The following FDFT1 variants were observed in gnomAD, a reference collection of about 807,000 sequenced individuals.
FDFT1 encodes farnesyl-diphosphate farnesyltransferase 1, also known as squalene synthase.
Under a neutral mutation model 46.8 loss-of-function variants are expected in FDFT1, and 68 were observed. That is an observed-to-expected ratio of 1.45 (90% CI 1.19 to 1.78). FDFT1 has a LOEUF of 1.78. FDFT1 is among the 40% of genes most tolerant of loss of function. The pLI is 0.00. For synonymous variants in FDFT1, 351 were observed against 185.1 expected (o/e 1.90, Z -7.28); for missense variants, 928 against 524.4 (o/e 1.77, Z -7.52).
rs1807389071 is a variant in FDFT1, at chr8:11,809,412, A to G, written c.198-255A>G. The G allele has an allele frequency of 9.0e-6, 11 of 1,221,994 alleles. No individual in the cohort carries two copies. In the South Asian group the frequency reaches 2.9e-4, roughly 32 times the overall value. The allele number at this position is 1,221,994 out of a possible 1,614,324, so 75.7% of individuals were successfully genotyped here. ...GTCTCCATAGTTCTACATTGGTTAA[A>G]TGCAACTCACTTCTGGGAGTAGTGG... On this transcript the variant is annotated intron_variant, in intron 2 of 7. Transcript: ENST00000220584.
At chr8:11,803,714 C>G (rs550948918) in intron 1 of FDFT1, 1 of 239,286 alleles carries the variant, frequency 4.2e-6, no homozygotes, top group South Asian at 4.6e-5. Context: ...GCCAACAGGA[C>G]AGTAGCAAAT....
rs761055565 is a variant in FDFT1 at position 11,826,137 on chromosome 8, C to G, written c.624C>G (p.Gly208=). 1 of 1,608,726 alleles carries G rather than the reference C, an allele frequency of 6.2e-7. No homozygotes were observed. Among genetic ancestry groups the G allele is most frequent in the Admixed American group, 1.7e-5 (1 of 59,938 alleles). The change falls in exon 5 of 8, where the codon GGC becomes GGG. Residue 208 remains glycine (G), a synonymous_variant. Transcript: ENST00000220584. ...GEDTERANSM[G]LFLQKTNIIR... Reference sequence around the variant, plus strand: ...ATACAGAACGTGCCAACTCTATGGGCCTGTTTTTGCAGAAAACAAACATCA... The same window carrying G: ...ATACAGAACGTGCCAACTCTATGGGGCTGTTTTTGCAGAAAACAAACATCA...
At chr8:11,832,980 A>T (rs1428380733) in intron 7 of FDFT1, among the ~76,000 whole-genome samples, 1 of 152,066 alleles carries the variant, frequency 6.6e-6, no homozygotes, top group African/African-American at 2.4e-5. Context: ...CAAAATAGCG[A>T]TTTCTGATTT....
intron 2 of FDFT1, 69 bp from the exon 3 acceptor site, chr8:11,809,598 A>C (rs936633917): frequency 6.8e-7 from 1 of 1,466,482 alleles, no homozygotes; most frequent in African/African-American, 1.4e-5. Context: ...GGCCAGGCAC[A>C]AGTTATTTTA....
At chr8:11,835,092 C>G (rs746971691) in intron 7 of FDFT1, among the ~76,000 whole-genome samples, 3 of 152,164 alleles carry the variant, frequency 2.0e-5, no homozygotes, top group Non-Finnish European at 4.4e-5. Flanking sequence ...CCACTGCACT[C>G]CAGCCTGGGC....
chr8:11,827,002 G>A (rs1810085248), intron 5 of FDFT1, among the ~76,000 whole-genome samples: 1 of 152,202 alleles, frequency 6.6e-6, no homozygotes, highest in African/African-American at 2.4e-5. Flanking sequence ...CCAGGTGTCT[G>A]TAATAAGGGA....
upstream of FDFT1, among the ~76,000 whole-genome samples, chr8:11,801,330 T>G (rs992044111): frequency 3.9e-5 from 6 of 152,306 alleles, no homozygotes; most frequent in African/African-American, 1.4e-4. Context: ...GTTTCCTGTT[T>G]GTTTTTGAGA....
intron 4 of FDFT1, among the ~76,000 whole-genome samples, chr8:11,823,338 T>C (rs1809519358): frequency 6.6e-6 from 1 of 152,212 alleles, no homozygotes; most frequent in Admixed American, 6.5e-5. Flanking sequence ...AAAAGAACTA[T>C]TATCTTCAAA....
chr8:11,820,687 A>AG (rs1296149746), intron 3 of FDFT1, among the ~76,000 whole-genome samples: 1 of 152,140 alleles, frequency 6.6e-6, no homozygotes, highest in East Asian at 1.9e-4. Flanking sequence ...CAGGCACTGG[A>AG]GGCAATCACC....
chr8:11,823,353 T>G (rs1454659035), intron 4 of FDFT1, among the ~76,000 whole-genome samples: 1 of 152,208 alleles, frequency 6.6e-6, no homozygotes, highest in Non-Finnish European at 1.5e-5. Context: ...TTCAAATATA[T>G]TTTTGGATAG....
At chr8:11,837,668 C>T (rs182879949) in intron 7 of FDFT1, among the ~76,000 whole-genome samples, 1 of 152,060 alleles carries the variant, frequency 6.6e-6, no homozygotes. Context: ...GGTGAGAGGG[C>T]TGGTGCCACT....
chr8:11,812,878 A>G (rs1274708025), intron 3 of FDFT1, among the ~76,000 whole-genome samples: 1 of 152,254 alleles, frequency 6.6e-6, no homozygotes, highest in African/African-American at 2.4e-5. Flanking sequence ...GGGTTCGATT[A>G]GAGTACAGTC....
intron 4 of FDFT1, among the ~76,000 whole-genome samples, chr8:11,823,374 A>T (rs1262820682): frequency 6.6e-6 from 1 of 152,334 alleles, no homozygotes; most frequent in East Asian, 1.9e-4. Flanking sequence ...TACTATAGAT[A>T]TACTAATTTT....
At chr8:11,811,015 G>C (rs1286060163) in intron 3 of FDFT1, among the ~76,000 whole-genome samples, 4 of 148,926 alleles carry the variant, frequency 2.7e-5, no homozygotes, top group African/African-American at 7.4e-5. Context: ...GCTGAGATCA[G>C]ACCTTAAGTA....
chr8:11,798,478 G>A (rs1324335819), upstream of FDFT1, among the ~76,000 whole-genome samples: 2 of 152,208 alleles, frequency 1.3e-5, no homozygotes, highest in Admixed American at 6.5e-5. Context: ...AGAGAGGAGA[G>A]ATTAAAATGA....
intron 1 of FDFT1, among the ~76,000 whole-genome samples, chr8:11,804,481 T>C (rs1398548671): frequency 6.6e-6 from 1 of 152,142 alleles, no homozygotes; most frequent in Non-Finnish European, 1.5e-5. Flanking sequence ...ATGTTAGTTG[T>C]AGTCTTTCTG....
At chr8:11,801,254 C>T (rs1295348270), upstream of FDFT1, among the ~76,000 whole-genome samples, 1 of 152,140 alleles carries the variant, frequency 6.6e-6, no homozygotes, top group Non-Finnish European at 1.5e-5. Context: ...CTCAGGATCC[C>T]TATAGGTGCT....
At chr8:11,832,570 A>AAAAAAAAAAAAAAAAAAAAAAAC (rs1810960789) in intron 7 of FDFT1, among the ~76,000 whole-genome samples, 1 of 149,410 alleles carries the variant, frequency 6.7e-6, no homozygotes, top group African/African-American at 2.4e-5. Context: ...AAAAAAAAAA[A>AAAAAAAAAAAAAAAAAAAAAAAC]AAAAAAGTCT....
At position 11,832,895 on chromosome 8, in the gene FDFT1, C is replaced by T. The variant is rs1811035029; in HGVS notation, c.1032+1225C>T. 2.6e-5 allele frequency among the ~76,000 whole-genome samples: 4 copies of T among 152,300 alleles called. 1 individual carries two copies. In the South Asian group the frequency reaches 8.3e-4, roughly 32 times the overall value. On this transcript the variant is annotated intron_variant, in intron 7 of 7. Transcript: ENST00000220584. ...GGTTACCTCTGTTCATGGTTTTGTG[C>T]ATCCGTCTAGTCCCCCTGTTACGCG... is the stretch of plus-strand genomic sequence containing the variant.
Sources: gnomAD v4.1 joint callset for allele counts (sites outside exome capture counted in the v4.1 genomes callset) on GRCh38, gnomAD v4.1.1 for gene constraint, MANE v1.5 for transcripts, NCBI Gene and HGNC (gene_info 2026-07-23, HGNC 2026-07-21) for gene names.